Variants in DOK6 observed in about 807,000 individuals in gnomAD.
DOK6 encodes docking protein 6.
In DOK6, 22 loss-of-function variants were observed where a neutral mutation model predicts 44.0. The observed-to-expected ratio is 0.50, with a 90% CI of 0.36 to 0.71. The LOEUF (loss-of-function observed/expected upper bound fraction) is 0.71, where lower values mean the gene tolerates loss of function less well. DOK6 is among the 30% of genes least tolerant of loss of function. The probability of loss-of-function intolerance (pLI) is 0.00; values close to 1 mark genes in which losing one functional copy is unlikely to be tolerated. For missense variants in DOK6, 340 were observed against 416.4 expected, an observed-to-expected ratio of 0.82 and a Z score of 1.60; for synonymous variants, 166 against 145.5, an observed-to-expected ratio of 1.14 and a Z score of -1.01.
chr18:69,402,313 T>C (rs939393132), intron 1 of DOK6, among the ~76,000 whole-genome samples: 9 of 152,204 alleles, frequency 5.9e-5, no homozygotes, highest in African/African-American at 1.9e-4. Context: ...AGCTCCTGCC[T>C]CCCGGGGCAA....
At chr18:69,505,491 C>CCT (rs1981157408) in intron 1 of DOK6, among the ~76,000 whole-genome samples, 1 of 88,570 alleles carries the variant, frequency 1.1e-5, no homozygotes, top group Non-Finnish European at 2.1e-5. Context: ...TACTCCCATT[C>CCT]TTTTTTTTTT....
At chr18:69,647,324 G>T (rs1471651871) in intron 3 of DOK6, 1 of 152,100 alleles carries the variant, frequency 6.6e-6, no homozygotes, top group Non-Finnish European at 1.5e-5. Flanking sequence ...ACAGGTTATG[G>T]TGGTTTCACT....
intron 7 of DOK6, among the ~76,000 whole-genome samples, chr18:69,825,361 A>C (rs899587216): frequency 6.6e-6 from 1 of 151,970 alleles, no homozygotes; most frequent in East Asian, 1.9e-4. Context: ...AACATTAGCC[A>C]ACCCATTGTC....
chr18:69,475,595 T>G (rs2144525746), intron 1 of DOK6, among the ~76,000 whole-genome samples: 1 of 152,334 alleles, frequency 6.6e-6, no homozygotes, highest in Non-Finnish European at 1.5e-5. Context: ...CTACCTTGAA[T>G]TGTGTTCCTG....
intron 6 of DOK6, among the ~76,000 whole-genome samples, chr18:69,754,681 T>TC: frequency 6.6e-6 from 1 of 152,350 alleles, no homozygotes; most frequent in South Asian, 2.1e-4. Flanking sequence ...GATGGGCACT[T>TC]CCTTGCTGTG....
intron 7 of DOK6, among the ~76,000 whole-genome samples, chr18:69,820,864 A>C (rs1981548110): frequency 6.6e-6 from 1 of 152,034 alleles, no homozygotes; most frequent in South Asian, 2.1e-4. Context: ...GGACGCATAG[A>C]GGGGAACAAC....
At chr18:69,739,148 C>T in intron 6 of DOK6, 45 bp downstream of exon 6, 1 of 1,607,878 alleles carries the variant, frequency 6.2e-7, no homozygotes, top group Non-Finnish European at 8.5e-7. Context: ...AAATGAATGT[C>T]ACTGGGATCT....
intron 4 of DOK6, among the ~76,000 whole-genome samples, chr18:69,679,060 CA>C (rs554589335): frequency 6.6e-6 from 1 of 152,170 alleles, no homozygotes; most frequent in African/African-American, 2.4e-5. Context: ...CCTATAGTTC[CA>C]GCTACTCGGG....
At chr18:69,512,342 T>TCC in intron 1 of DOK6, among the ~76,000 whole-genome samples, 1 of 141,160 alleles carries the variant, frequency 7.1e-6, no homozygotes, top group Non-Finnish European at 1.5e-5. Context: ...CTTTTTTTTT[T>TCC]TTTTTTTTTT....
chr18:69,527,940 G>A (rs1346850279), intron 1 of DOK6, among the ~76,000 whole-genome samples: 2 of 152,070 alleles, frequency 1.3e-5, no homozygotes, highest in African/African-American at 2.4e-5. Context: ...AAGGCGGGCG[G>A]ATCACGAGGT....
intron 2 of DOK6, among the ~76,000 whole-genome samples, chr18:69,576,950 GATGA>G (rs776750407): frequency 6.6e-6 from 1 of 152,082 alleles, no homozygotes; most frequent in Non-Finnish European, 1.5e-5. Flanking sequence ...CCCTTAGAAG[GATGA>G]ATGAAGATAA....
At chr18:69,797,084 G>C (rs17081642) in intron 7 of DOK6, among the ~76,000 whole-genome samples, 9,250 of 152,098 alleles carry the variant, frequency 0.061, 319 homozygotes, top group African/African-American at 0.093. Flanking sequence ...CCTCCTGATA[G>C]ATGAAATTGC....
chr18:69,626,688 A>G (rs1984564305), intron 3 of DOK6, among the ~76,000 whole-genome samples: 1 of 152,236 alleles, frequency 6.6e-6, no homozygotes, highest in Admixed American at 6.5e-5. Context: ...GCTTCATGAC[A>G]GGAGATCGAG....
At chr18:69,745,349 A>T (rs765011942) in intron 6 of DOK6, among the ~76,000 whole-genome samples, 1 of 152,258 alleles carries the variant, frequency 6.6e-6, no homozygotes, top group Non-Finnish European at 1.5e-5. Flanking sequence ...GTTTTCTTAA[A>T]TGAAAATAAC....
chr18:69,463,041 C>T (rs1291280503), intron 1 of DOK6, among the ~76,000 whole-genome samples: 3 of 152,120 alleles, frequency 2.0e-5, no homozygotes, highest in Non-Finnish European at 2.9e-5. Flanking sequence ...AACAAAATAA[C>T]ATCAATTGGG....
chr18:69,809,792 G>C (rs1391767464), intron 7 of DOK6, among the ~76,000 whole-genome samples: 1 of 151,710 alleles, frequency 6.6e-6, no homozygotes, highest in South Asian at 2.1e-4. Context: ...TGAAAGACCT[G>C]TACACAGAAA....
At chr18:69,521,299 A>G (rs533793406) in intron 1 of DOK6, among the ~76,000 whole-genome samples, 13 of 152,032 alleles carry the variant, frequency 8.6e-5, no homozygotes, top group African/African-American at 2.9e-4. Flanking sequence ...AATAATTTGT[A>G]ATCTCGATCA....
At chr18:69,440,799 G>A (rs548040910) in intron 1 of DOK6, among the ~76,000 whole-genome samples, 1 of 151,546 alleles carries the variant, frequency 6.6e-6, no homozygotes, top group South Asian at 2.1e-4. Context: ...TATGAGATAC[G>A]TTGAACATGA....
intron 1 of DOK6, among the ~76,000 whole-genome samples, chr18:69,436,045 A>T (rs1183804093): frequency 6.6e-6 from 1 of 152,160 alleles, no homozygotes; most frequent in Non-Finnish European, 1.5e-5. Flanking sequence ...CCTGTCTTAT[A>T]ATTACAGTTC....
Sources: allele counts gnomAD v4.1 joint callset (sites outside exome capture counted in the v4.1 genomes callset), GRCh38; gene constraint gnomAD v4.1.1; transcripts MANE v1.5; gene names NCBI Gene and HGNC (gene_info 2026-07-23, HGNC 2026-07-21).